The following PRDM16 variants were observed in gnomAD, a reference collection of about 807,000 sequenced individuals.
PRDM16 encodes PR/SET domain 16.
PRDM16 carries 23 observed loss-of-function variants against 110.6 expected under a neutral mutation model. The ratio of observed to expected loss-of-function variants is 0.21; its 90% CI spans 0.15 to 0.29. The LOEUF (loss-of-function observed/expected upper bound fraction) is 0.29, where lower values mean the gene tolerates loss of function less well. Among genes scored for constraint, PRDM16 ranks in the 10% least tolerant of loss-of-function variants. The pLI is 1.00. For missense variants in PRDM16, 1,615 were observed against 1,794.3 expected (o/e 0.90, Z 1.81); for synonymous variants, 799 against 781.8 (o/e 1.02, Z -0.37).
intron 5 of PRDM16, 103 bp from the exon 6 acceptor site, chr1:3,402,686 AGG>A: frequency 1.0e-6 from 1 of 964,036 alleles, no homozygotes; most frequent in South Asian, 1.5e-5. Flanking sequence ...GCCTGGGTGC[AGG>A]CCCTGAGGCA....
intron 2 of PRDM16, among the ~76,000 whole-genome samples, chr1:3,195,490 G>C (rs1424812497): frequency 6.6e-6 from 1 of 152,114 alleles, no homozygotes; most frequent in Non-Finnish European, 1.5e-5. Context: ...TGATTCACAA[G>C]CGAAAAAGGA....
chr1:3,211,136 T>C lies in PRDM16; in HGVS notation c.387+24662T>C, dbSNP rs924506638. 7.2e-5 allele frequency among the ~76,000 whole-genome samples: 11 copies of C among 152,348 alleles called. No homozygotes were observed. In the South Asian group the frequency reaches 1.2e-3, roughly 17 times the overall value. On this transcript the variant is annotated intron_variant, in intron 2 of 16. Transcript: ENST00000270722. Reference sequence around the variant, plus strand: ...TCTTGGTCATTTGTTCGATGCTGGTTGTCTCCTCCTTCATTAGACATCTGC... The same window carrying C: ...TCTTGGTCATTTGTTCGATGCTGGTCGTCTCCTCCTTCATTAGACATCTGC...
chr1:3,162,093 AT>A (rs1245159583), intron 1 of PRDM16, among the ~76,000 whole-genome samples: 1 of 152,182 alleles, frequency 6.6e-6, no homozygotes, highest in Non-Finnish European at 1.5e-5. Flanking sequence ...ACATGGGCTA[AT>A]TGTGGTAAAA....
intron 1 of PRDM16, among the ~76,000 whole-genome samples, chr1:3,138,418 G>A (rs919351839): frequency 2.0e-5 from 3 of 152,238 alleles, no homozygotes; most frequent in African/African-American, 7.2e-5. Flanking sequence ...GGCCCCCTGT[G>A]GTGTCATGGC....
rs1019027889 is a variant in PRDM16 at position 3,437,849 on chromosome 1, G to A, written c.*4038G>A. Reference sequence around the variant, plus strand: ...TTCTAACAATTGCCTTCAGCGTCACGTGCATTGCCACTGCGCTTTCGGCAC... The same window carrying A: ...TTCTAACAATTGCCTTCAGCGTCACATGCATTGCCACTGCGCTTTCGGCAC... On this transcript the variant is annotated 3_prime_UTR_variant, in exon 17 of 17. Transcript: ENST00000270722. 6 of 217,374 alleles carry A rather than the reference G, an allele frequency of 2.8e-5. No homozygotes were observed. The South Asian group carries it at 5.6e-4, about 20-fold the overall frequency. The allele number at this position is 217,374 out of a possible 1,614,324, so 13.5% of individuals were successfully genotyped here.
chr1:3,336,100 G>T (rs1642139974), intron 3 of PRDM16, among the ~76,000 whole-genome samples: 1 of 152,232 alleles, frequency 6.6e-6, no homozygotes, highest in Non-Finnish European at 1.5e-5. Flanking sequence ...GAACAGTGAA[G>T]ATGAAGGGAG....
rs1425261802 is a variant in PRDM16, at chr1:3,243,836, C to T, written c.388-251C>T. Among the ~76,000 whole-genome samples, 1 of 152,172 alleles carries T rather than the reference C, an allele frequency of 6.6e-6. No individual in the cohort carries two copies. The highest frequency in any genetic ancestry group is 1.5e-5 in the Non-Finnish European group (1 of 68,026). ...TGAGCTACACAGTGTGTCTCCATCC[C>T]TGGAGTGCAGTGTTTCCAGGGAGGT... is the stretch of plus-strand genomic sequence containing the variant. On this transcript the variant is annotated intron_variant, in intron 2 of 16. Transcript: ENST00000270722. The surrounding 1 kb of genome is among the most constrained non-coding windows in gnomAD (Gnocchi z 5.5).
chr1:3,211,023 T>C (rs1638871187), intron 2 of PRDM16, among the ~76,000 whole-genome samples: 1 of 152,272 alleles, frequency 6.6e-6, no homozygotes, highest in Non-Finnish European at 1.5e-5. Flanking sequence ...TATTTGTTCA[T>C]ACATTTATTA....
intron 2 of PRDM16, among the ~76,000 whole-genome samples, chr1:3,230,031 G>A (rs1639372428): frequency 6.6e-6 from 1 of 152,258 alleles, no homozygotes; most frequent in Non-Finnish European, 1.5e-5. Context: ...CACTTCGGAT[G>A]CATGGCTGTG....
intron 1 of PRDM16, among the ~76,000 whole-genome samples, chr1:3,172,033 C>T (rs923571454): frequency 2.6e-5 from 4 of 152,184 alleles, no homozygotes; most frequent in Non-Finnish European, 5.9e-5. Context: ...AGGTACTCAA[C>T]GGCTCCACGA....
Position 3,398,870 on chromosome 1 carries a change from G to T in PRDM16, c.676+2277G>T, listed in dbSNP as rs373792692. Among the ~76,000 whole-genome samples the T allele has an allele frequency of 9.9e-5, 15 of 152,204 alleles. No homozygotes were observed. In the East Asian group the frequency reaches 1.9e-3, roughly 20 times the overall value. ...ATTTTGTGCTTTTGTTGGGAGAAGAGGGCTTGGCTGGAGACCACGTTCAGG... is the reference window on the plus strand; with the variant it reads ...ATTTTGTGCTTTTGTTGGGAGAAGATGGCTTGGCTGGAGACCACGTTCAGG... On this transcript the variant is annotated intron_variant, in intron 5 of 16. Coordinates refer to ENST00000270722, the MANE Select transcript of PRDM16 (RefSeq NM_022114.4).
chr1:3,426,736 T>A (rs1638618933), intron 14 of PRDM16, among the ~76,000 whole-genome samples: 1 of 152,124 alleles, frequency 6.6e-6, no homozygotes. Flanking sequence ...TATACATGTG[T>A]ATACATATGC....
At chr1:3,163,550 G>A (rs1194051416) in intron 1 of PRDM16, among the ~76,000 whole-genome samples, 1 of 152,204 alleles carries the variant, frequency 6.6e-6, no homozygotes, top group Non-Finnish European at 1.5e-5. Flanking sequence ...TCCTAACCGG[G>A]TACCCCAGCC....
At chr1:3,266,760 C>T (rs923566297) in intron 3 of PRDM16, among the ~76,000 whole-genome samples, 6 of 152,238 alleles carry the variant, frequency 3.9e-5, no homozygotes, top group African/African-American at 1.4e-4. Context: ...ACTGCAACCT[C>T]TGCCTCCCAG....
intron 2 of PRDM16, among the ~76,000 whole-genome samples, chr1:3,203,026 A>G (rs1638669985): frequency 6.6e-6 from 1 of 152,172 alleles, no homozygotes; most frequent in Admixed American, 6.5e-5. Context: ...CCAGCCTGGA[A>G]GCTGTGTTCT....
At chr1:3,134,634 C>T (rs1254918384) in intron 1 of PRDM16, among the ~76,000 whole-genome samples, 5 of 152,228 alleles carry the variant, frequency 3.3e-5, no homozygotes, top group Non-Finnish European at 5.9e-5. Flanking sequence ...CGGAGTTAAC[C>T]GTGGCGGCTT....
intron 1 of PRDM16, among the ~76,000 whole-genome samples, chr1:3,076,373 A>G (rs1411803771): frequency 6.6e-6 from 1 of 151,896 alleles, no homozygotes; most frequent in African/African-American, 2.4e-5. Flanking sequence ...GGGCGGGGAG[A>G]TGAGGGAAGA....
intron 1 of PRDM16, among the ~76,000 whole-genome samples, chr1:3,129,080 G>A (rs1251594789): frequency 6.6e-6 from 1 of 152,110 alleles, no homozygotes; most frequent in East Asian, 1.9e-4. Flanking sequence ...GTGTGCATGT[G>A]TGTGCGTTTC....
chr1:3,412,832 C>G lies in PRDM16; in HGVS notation c.2603+32C>G, dbSNP rs1048150644. 3.5e-6 allele frequency: 5 copies of G among 1,425,362 alleles called. No individual in the cohort carries two copies. In the African/African-American group the frequency reaches 7.4e-5, roughly 21 times the overall value. 88.3% of individuals were successfully genotyped at this position (1,425,362 alleles called of 1,614,324 possible). A position where few individuals can be genotyped will look rare whatever the true frequency, so the allele number is the denominator to read the frequency against. ...AGCACCCCAGCCTCACTGGCTCTCC[C>G]TGGGGCGGGGCCGCGGCGGTGCTGG... On this transcript the variant is annotated intron_variant, in intron 9 of 16. Transcript: ENST00000270722.
Sources: allele counts gnomAD v4.1 joint callset (sites outside exome capture counted in the v4.1 genomes callset), GRCh38; gene constraint gnomAD v4.1.1; non-coding constraint Gnocchi (gnomAD v3.1); transcripts MANE v1.5; gene names NCBI Gene and HGNC (gene_info 2026-07-23, HGNC 2026-07-21).